Variants in RXFP1 observed in about 807,000 individuals in gnomAD.
The protein encoded by RXFP1 is relaxin receptor 1.
A neutral mutation model predicts 89.8 loss-of-function variants in RXFP1; 73 were observed. That is an observed-to-expected ratio of 0.81 (90% CI 0.67 to 0.99). The LOEUF (loss-of-function observed/expected upper bound fraction) is 0.99, where lower values mean the gene tolerates loss of function less well. Ranked by LOEUF, RXFP1 falls within the 50% of genes least tolerant of loss-of-function variation. The pLI is 0.00. For missense variants in RXFP1, 793 were observed against 895.5 expected (o/e 0.89, Z 1.46); for synonymous variants, 277 against 305.5 (o/e 0.91, Z 0.97).
At chr4:158,546,274 T>A (rs187758641) in intron 1 of RXFP1, among the ~76,000 whole-genome samples, 1 of 152,350 alleles carries the variant, frequency 6.6e-6, no homozygotes, top group East Asian at 1.9e-4. Context: ...TGTATAAGAA[T>A]GCTTGGGATT....
At chr4:158,603,517 T>C (rs1762047128) in intron 4 of RXFP1, among the ~76,000 whole-genome samples, 1 of 152,226 alleles carries the variant, frequency 6.6e-6, no homozygotes, top group African/African-American at 2.4e-5. Flanking sequence ...ACTTTTTTTC[T>C]TTCATTATTG....
chr4:158,604,792 C>T (rs899898418), intron 4 of RXFP1, among the ~76,000 whole-genome samples: 10 of 152,086 alleles, frequency 6.6e-5, no homozygotes, highest in African/African-American at 2.4e-4. Flanking sequence ...GAAAGAAAAA[C>T]ATAACTGAAA....
At chr4:158,608,463 A>G (rs1762952591) in intron 6 of RXFP1, among the ~76,000 whole-genome samples, 1 of 150,954 alleles carries the variant, frequency 6.6e-6, no homozygotes, top group Non-Finnish European at 1.5e-5. Flanking sequence ...TGTCTCTGAC[A>G]AAGAAAAAAA....
At chr4:158,527,564 A>AATATATATATATATATATAT (rs1553989424) in intron 1 of RXFP1, among the ~76,000 whole-genome samples, 22 of 98,318 alleles carry the variant, frequency 2.2e-4, no homozygotes, top group African/African-American at 6.7e-4. Context: ...AAAAAAAAAA[A>AATATATATATATATATATAT]ATATATATAT....
chr4:158,566,539 A>G (rs1438538035), intron 1 of RXFP1, among the ~76,000 whole-genome samples: 1 of 151,886 alleles, frequency 6.6e-6, no homozygotes, highest in African/African-American at 2.4e-5. Context: ...AACCTTTTGC[A>G]TTTTTAGTAG....
At chr4:158,579,953 C>A (rs1341523375) in intron 2 of RXFP1, among the ~76,000 whole-genome samples, 2 of 152,056 alleles carry the variant, frequency 1.3e-5, no homozygotes, top group African/African-American at 2.4e-5. Flanking sequence ...CTCAGAAACA[C>A]AAAAGTTTAT....
At chr4:158,566,254 T>G (rs1464366401) in intron 1 of RXFP1, among the ~76,000 whole-genome samples, 2 of 152,188 alleles carry the variant, frequency 1.3e-5, no homozygotes. Flanking sequence ...TATTTAAGGG[T>G]GCTAGAGCAT....
At chr4:158,632,361 C>T (rs1373455922) in intron 11 of RXFP1, among the ~76,000 whole-genome samples, 1 of 152,164 alleles carries the variant, frequency 6.6e-6, no homozygotes, top group Admixed American at 6.6e-5. Flanking sequence ...TATAAGCAAA[C>T]CAGCATATAT....
intron 1 of RXFP1, among the ~76,000 whole-genome samples, chr4:158,529,875 A>G (rs1229601281): frequency 6.6e-6 from 1 of 152,192 alleles, no homozygotes; most frequent in Non-Finnish European, 1.5e-5. Context: ...TCATTTCCCT[A>G]ATAAATACTT....
chr4:158,547,590 G>A (rs1748823950), intron 1 of RXFP1, among the ~76,000 whole-genome samples: 2 of 152,020 alleles, frequency 1.3e-5, no homozygotes, highest in South Asian at 2.1e-4. Context: ...GGCATTTAGT[G>A]CTATAAATTT....
At chr4:158,568,132 G>A (rs993386284) in intron 1 of RXFP1, among the ~76,000 whole-genome samples, 6 of 152,248 alleles carry the variant, frequency 3.9e-5, no homozygotes, top group African/African-American at 1.2e-4. Flanking sequence ...CTGAGCCAGT[G>A]AGACCACGAA....
chr4:158,550,983 G>GA (rs561213531), intron 1 of RXFP1, among the ~76,000 whole-genome samples: 12 of 146,692 alleles, frequency 8.2e-5, no homozygotes, highest in South Asian at 2.2e-4. Flanking sequence ...AAAACATGAA[G>GA]AAAAAAAAAA....
intron 14 of RXFP1, among the ~76,000 whole-genome samples, chr4:158,643,792 GT>G (rs1293392755): frequency 2.0e-5 from 3 of 151,730 alleles, no homozygotes; most frequent in Non-Finnish European, 2.9e-5. Context: ...TCTATTTGTA[GT>G]TTTCTGAGGA....
intron 1 of RXFP1, among the ~76,000 whole-genome samples, chr4:158,538,258 C>G (rs1315628824): frequency 2.6e-5 from 4 of 152,148 alleles, no homozygotes; most frequent in African/African-American, 4.8e-5. Flanking sequence ...ATCCCTCTGG[C>G]TGCTGTGTGG....
At chr4:158,580,915 A>G (rs570966513) in intron 2 of RXFP1, among the ~76,000 whole-genome samples, 26 of 152,204 alleles carry the variant, frequency 1.7e-4, no homozygotes, top group African/African-American at 6.3e-4. Flanking sequence ...CTCCTGCCTC[A>G]GTCTTCTGAG....
intron 1 of RXFP1, among the ~76,000 whole-genome samples, chr4:158,567,166 T>C (rs934195943): frequency 6.6e-6 from 1 of 152,150 alleles, no homozygotes; most frequent in African/African-American, 2.4e-5. Flanking sequence ...CAGCCTACCA[T>C]GCCTGAGCCT....
At chr4:158,595,827 G>A (rs1392188734) in intron 3 of RXFP1, among the ~76,000 whole-genome samples, 1 of 151,976 alleles carries the variant, frequency 6.6e-6, no homozygotes, top group African/African-American at 2.4e-5. Flanking sequence ...TTATTTAGAG[G>A]GAGACCAAAT....
chr4:158,533,846 A>G (rs1180615615), intron 1 of RXFP1, among the ~76,000 whole-genome samples: 2 of 152,032 alleles, frequency 1.3e-5, no homozygotes, highest in Non-Finnish European at 2.9e-5. Context: ...TTTTCCCTAC[A>G]CTTTTCTATA....
At chr4:158,611,192 A>G (rs558479559) in intron 6 of RXFP1, among the ~76,000 whole-genome samples, 41 of 152,370 alleles carry the variant, frequency 2.7e-4, no homozygotes, top group African/African-American at 9.9e-4. Flanking sequence ...GCTGAGGCTT[A>G]CAGGAATTCA....
Sources: allele counts gnomAD v4.1 joint callset (sites outside exome capture counted in the v4.1 genomes callset), GRCh38; gene constraint gnomAD v4.1.1; transcripts MANE v1.5; gene names NCBI Gene and HGNC (gene_info 2026-07-23, HGNC 2026-07-21).